HDAC9: variants seen among roughly 807,000 people sequenced by gnomAD.
HDAC9 encodes MEF-2 interacting transcription repressor (MITR) protein.
HDAC9 carries 41 observed loss-of-function variants against 139.4 expected under a neutral mutation model. The observed-to-expected ratio is 0.29, with a 90% confidence interval of 0.23 to 0.38. The LOEUF is 0.38. Ranked by LOEUF, HDAC9 falls within the 10% of genes least tolerant of loss-of-function variation. The probability of loss-of-function intolerance (pLI) is 1.00; values close to 1 mark genes in which losing one functional copy is unlikely to be tolerated. For synonymous variants in HDAC9, 517 were observed against 476.2 expected, an observed-to-expected ratio of 1.09 and a Z score of -1.12; for missense variants, 1,147 against 1,297.0, an observed-to-expected ratio of 0.88 and a Z score of 1.78.
rs371787966 is a variant in HDAC9, at chr7:18,982,515, T to A, written c.3170+6562T>A. ...ATTTTTAATGGAGGTATATCTTACA[T>A]ATAATAACATGCACACGTTCTAAGA... On this transcript the variant is annotated intron_variant, in intron 25 of 25. Transcript: ENST00000686413. 7.9e-5 allele frequency among the ~76,000 whole-genome samples: 12 copies of A among 152,262 alleles called. No homozygotes were observed. In the East Asian group the frequency reaches 1.9e-3, roughly 24 times the overall value.
chr7:18,694,177 A>G (rs1782868516), intron 12 of HDAC9, among the ~76,000 whole-genome samples: 1 of 152,178 alleles, frequency 6.6e-6, no homozygotes, highest in African/African-American at 2.4e-5. Flanking sequence ...CTCATCATGC[A>G]ATAAATGGAA....
chr7:18,594,074 C>A (rs776177963), intron 6 of HDAC9, 45 bp downstream of exon 6: 16 of 1,603,794 alleles, frequency 1.0e-5, no homozygotes, highest in Non-Finnish European at 1.3e-5. Context: ...CTGTAACACA[C>A]CTGTAAGTTT....
intron 13 of HDAC9, among the ~76,000 whole-genome samples, chr7:18,739,171 T>A (rs1787210671): frequency 6.6e-6 from 1 of 152,358 alleles, no homozygotes; most frequent in South Asian, 2.1e-4. Flanking sequence ...CTAATCTTTT[T>A]TCAAGGTTTT....
At chr7:18,161,717 A>T (rs1004932630) in intron 1 of HDAC9, among the ~76,000 whole-genome samples, 7 of 152,138 alleles carry the variant, frequency 4.6e-5, no homozygotes, top group African/African-American at 1.7e-4. Context: ...AAGAAGTGGA[A>T]ATTATCATGG....
intron 2 of HDAC9, among the ~76,000 whole-genome samples, chr7:18,216,939 G>A (rs765140463): frequency 1.3e-5 from 2 of 152,038 alleles, no homozygotes; most frequent in Non-Finnish European, 2.9e-5. Context: ...AGTATCTTGA[G>A]GAAGGGACTT....
Position 18,912,660 on chromosome 7 carries a change from T to A in HDAC9, c.2804-23149T>A, listed in dbSNP as rs1270019709. Among the ~76,000 whole-genome samples, 3 of 152,114 alleles carry A rather than the reference T, an allele frequency of 2.0e-5. No individual in the cohort carries two copies. In the East Asian group the frequency reaches 5.8e-4, roughly 29 times the overall value. On this transcript the variant is annotated intron_variant, in intron 22 of 25. Coordinates refer to ENST00000686413, the MANE Select transcript of HDAC9 (RefSeq NM_178425.4). ...CTACAGTGCACTGGACGGTTCTCTA[T>A]ATCAAAGCATCGTCTGCTCTGAAAT... is the stretch of plus-strand genomic sequence containing the variant.
intron 14 of HDAC9, among the ~76,000 whole-genome samples, chr7:18,751,544 A>G (rs1417551584): frequency 1.3e-5 from 2 of 151,994 alleles, no homozygotes; most frequent in African/African-American, 4.8e-5. Context: ...CGAAGAAAGT[A>G]TTGCCCATAT....
chr7:18,952,654 G>T (rs868443441), intron 23 of HDAC9, among the ~76,000 whole-genome samples: 15 of 152,012 alleles, frequency 9.9e-5, no homozygotes, highest in Middle Eastern at 3.4e-3. Flanking sequence ...TTCCAAGTAA[G>T]CTTCAGTTTA....
chr7:18,806,657 A>G (rs1352069326), intron 17 of HDAC9, among the ~76,000 whole-genome samples: 1 of 152,184 alleles, frequency 6.6e-6, no homozygotes, highest in African/African-American at 2.4e-5. Flanking sequence ...CATTTATTAT[A>G]TACCTAATTT....
At chr7:18,658,276 C>T (rs1277181123) in intron 11 of HDAC9, among the ~76,000 whole-genome samples, 2 of 151,980 alleles carry the variant, frequency 1.3e-5, no homozygotes, top group Non-Finnish European at 2.9e-5. Context: ...AGTAAACGCT[C>T]AATAAAAAAT....
intron 24 of HDAC9, among the ~76,000 whole-genome samples, chr7:18,972,574 T>A (rs1416237997): frequency 1.3e-5 from 2 of 151,964 alleles, no homozygotes; most frequent in African/African-American, 2.4e-5. Context: ...AGAGACGGGA[T>A]TTCACCGTGT....
chr7:18,353,581 G>A (rs1783022588), intron 1 of HDAC9, among the ~76,000 whole-genome samples: 1 of 152,254 alleles, frequency 6.6e-6, no homozygotes, highest in Non-Finnish European at 1.5e-5. Context: ...TTCCCTGAGT[G>A]CAAATGAATC....
At chr7:18,232,541 G>T (rs963955116) in intron 2 of HDAC9, among the ~76,000 whole-genome samples, 1 of 152,204 alleles carries the variant, frequency 6.6e-6, no homozygotes, top group East Asian at 1.9e-4. Flanking sequence ...CTTTTCTATC[G>T]TAGTTATTTC....
At chr7:18,642,261 G>GC (rs3214109) in intron 8 of HDAC9, among the ~76,000 whole-genome samples, 24,444 of 151,876 alleles carry the variant, frequency 0.16, 2,888 homozygotes, top group East Asian at 0.36. Context: ...TTTTTCTTGT[G>GC]CCAAGTCCCC....
At chr7:18,155,996 C>G (rs79365779) in intron 1 of HDAC9, among the ~76,000 whole-genome samples, 52 of 152,274 alleles carry the variant, frequency 3.4e-4, no homozygotes, top group African/African-American at 1.2e-3. Context: ...GTCCTAGACT[C>G]TCATCATTCT....
chr7:18,772,326 C>T (rs1480433372), intron 16 of HDAC9, among the ~76,000 whole-genome samples: 1 of 151,760 alleles, frequency 6.6e-6, no homozygotes, highest in Non-Finnish European at 1.5e-5. Context: ...TTTTTTCTTC[C>T]AAAAAAGGAG....
intron 6 of HDAC9, among the ~76,000 whole-genome samples, chr7:18,609,570 C>T (rs1480339652): frequency 6.6e-6 from 1 of 152,034 alleles, no homozygotes; most frequent in African/African-American, 2.4e-5. Context: ...GTCACATCAC[C>T]TAAAGAAGAT....
chr7:18,251,527 A>T (rs1794917262), intron 2 of HDAC9, among the ~76,000 whole-genome samples: 1 of 152,208 alleles, frequency 6.6e-6, no homozygotes, highest in Non-Finnish European at 1.5e-5. Context: ...ATAAATATTG[A>T]AGGAAAAAAA....
chr7:18,994,901 T>G (rs1307769271), intron 25 of HDAC9, among the ~76,000 whole-genome samples: 1 of 152,108 alleles, frequency 6.6e-6, no homozygotes, highest in African/African-American at 2.4e-5. Flanking sequence ...AAGAAGAAAA[T>G]GAAAACCACC....
Sources: gnomAD v4.1 joint callset for allele counts (sites outside exome capture counted in the v4.1 genomes callset) on GRCh38, gnomAD v4.1.1 for gene constraint, MANE v1.5 for transcripts, NCBI Gene and HGNC (gene_info 2026-07-23, HGNC 2026-07-21) for gene names.